Variants in H6PD observed in about 807,000 individuals in gnomAD.
The protein encoded by H6PD is hexose-6-phosphate dehydrogenase/glucose 1-dehydrogenase, also known as GDH/6PGL endoplasmic bifunctional protein.
Under a neutral mutation model 61.2 loss-of-function variants are expected in H6PD, and 48 were observed. The observed-to-expected ratio is 0.78, with a 90% CI of 0.62 to 1.00. H6PD has a LOEUF of 1.00. Among genes scored for constraint, H6PD ranks in the 50% least tolerant of loss-of-function variants. The pLI is 0.00. For synonymous variants in H6PD, 480 were observed against 457.9 expected (o/e 1.05, Z -0.62); for missense variants, 1,093 against 1,065.0 (o/e 1.03, Z -0.37).
At position 9,252,127 on chromosome 1, in the gene H6PD, A is replaced by G. The variant is rs114110944; in HGVS notation, c.745+5044A>G. On this transcript the variant is annotated intron_variant, in intron 3 of 4. Coordinates refer to ENST00000377403, the MANE Select transcript of H6PD (RefSeq NM_004285.4). ...CAAGTTTGCAAGGAGAGGCAGCGGC[A>G]GTGTTCTTGCAGTGTGTCTGAGTTC... Among the ~76,000 whole-genome samples, 1,048 of 152,280 alleles carry G rather than the reference A, an allele frequency of 6.9e-3. 20 individuals are homozygous for G. The highest frequency in any genetic ancestry group is 0.025 in the African/African-American group (1,025 of 41,550).
chr1:9,257,000 A>G (rs942236408), intron 3 of H6PD, among the ~76,000 whole-genome samples: 1 of 152,120 alleles, frequency 6.6e-6, no homozygotes, highest in African/African-American at 2.4e-5. Context: ...GAATCGCCTC[A>G]GCTCTGTCTT....
At chr1:9,250,962 G>A (rs549946343) in intron 3 of H6PD, among the ~76,000 whole-genome samples, 13 of 152,290 alleles carry the variant, frequency 8.5e-5, no homozygotes, top group Middle Eastern at 6.8e-3. Context: ...TGCACAGGCC[G>A]GAGGGGGTGG....
chr1:9,248,716 C>G (rs1297598737), intron 3 of H6PD, among the ~76,000 whole-genome samples: 1 of 152,118 alleles, frequency 6.6e-6, no homozygotes, highest in African/African-American at 2.4e-5. Flanking sequence ...GGAGGCCAGG[C>G]AGGACTTCCC....
intron 3 of H6PD, among the ~76,000 whole-genome samples, chr1:9,251,263 C>T (rs923878556): frequency 3.3e-5 from 5 of 152,072 alleles, no homozygotes; most frequent in East Asian, 1.9e-4. Flanking sequence ...CCTTTTCTGT[C>T]GGGAGTGCTG....
intron 1 of H6PD, among the ~76,000 whole-genome samples, chr1:9,237,513 G>A (rs376130214): frequency 1.3e-5 from 2 of 152,070 alleles, no homozygotes; most frequent in African/African-American, 2.4e-5. Context: ...GATTATAGGC[G>A]TAAGCCACTG....
In H6PD at chr1:9,266,348, A is replaced by G. The variant is rs1638561404; in HGVS notation, c.*1479A>G. ...ACTCTCTGCCTGAGACTGGGGAAGT[A>G]AGCGGGTATCTTCTCAGTGAGCATA... On this transcript the variant is annotated 3_prime_UTR_variant, in exon 5 of 5. Coordinates refer to ENST00000377403, the MANE Select transcript of H6PD (RefSeq NM_004285.4). 6.6e-6 allele frequency: 1 copy of G among 152,294 alleles called. No homozygotes were observed. The highest frequency in any genetic ancestry group is 1.5e-5 in the Non-Finnish European group (1 of 68,072). 9.4% of individuals were successfully genotyped at this position (152,294 alleles called of 1,614,324 possible). A position where few individuals can be genotyped will look rare whatever the true frequency, so the allele number is the denominator to read the frequency against.
In H6PD at chr1:9,264,559, T is replaced by C. The variant is rs761784820; in HGVS notation, c.2066T>C (p.Val689Ala). 20 of 1,613,292 alleles carry C rather than the reference T, an allele frequency of 1.2e-5. No homozygotes were observed. Among genetic ancestry groups the C allele is most frequent in the Non-Finnish European group, 1.7e-5 (20 of 1,179,910 alleles). The change falls in exon 5 of 5, where the codon GTG (valine) becomes GCG (alanine). Residue 689 changes from valine to alanine, a missense_variant. Transcript: ENST00000377403. ...GTGGCCAACAGCAGCTTCGACCTGGTGCTGCTGGGCATGGGTGCCGACGGG... is the reference window on the plus strand; with the variant it reads ...GTGGCCAACAGCAGCTTCGACCTGGCGCTGCTGGGCATGGGTGCCGACGGG... Reference protein sequence around the residue: ...ALVANSSFDLVLLGMGADGHT... With the variant: ...ALVANSSFDLALLGMGADGHT...
intron 3 of H6PD, among the ~76,000 whole-genome samples, chr1:9,252,235 C>T (rs1421588212): frequency 2.6e-5 from 4 of 152,154 alleles, no homozygotes; most frequent in South Asian, 2.1e-4. Context: ...TCATATTTCT[C>T]TCTCACATAT....
intron 1 of H6PD, among the ~76,000 whole-genome samples, chr1:9,240,529 G>C (rs1221583505): frequency 6.6e-6 from 1 of 152,184 alleles, no homozygotes; most frequent in African/African-American, 2.4e-5. Context: ...CTGAGGCCCA[G>C]CCAGGCTAAA....
intron 1 of H6PD, among the ~76,000 whole-genome samples, chr1:9,241,661 G>C (rs1230866869): frequency 6.6e-6 from 1 of 152,224 alleles, no homozygotes; most frequent in Non-Finnish European, 1.5e-5. Context: ...TGGCCTCCCA[G>C]AGTGCCGGGA....
intron 1 of H6PD, chr1:9,239,897 G>C (rs543161528): frequency 1.3e-6 from 1 of 787,670 alleles, no homozygotes; most frequent in Non-Finnish European, 1.7e-6. Flanking sequence ...CTGCTGTGCC[G>C]GGTCTGTATG....
intron 1 of H6PD, among the ~76,000 whole-genome samples, chr1:9,241,743 T>C (rs1641004388): frequency 6.6e-6 from 1 of 152,156 alleles, no homozygotes; most frequent in African/African-American, 2.4e-5. Context: ...GCAGTGGTCT[T>C]GAGCCCAGGT....
Position 9,246,997 on chromosome 1 carries a change from A to G in H6PD, c.659A>G (p.Gln220Arg). The G allele has an allele frequency of 1.2e-6, 2 of 1,613,914 alleles. No individual in the cohort carries two copies. The highest frequency in any genetic ancestry group is 2.2e-5 in the East Asian group (1 of 44,862). ...GCGCAGATCCTGCCTTTCCGAGACC[A>G]GAACCGCAAGGCTTTGGACGGCCTC... ...AVAQILPFRD[Q>R]NRKALDGLWN... The change falls in exon 3 of 5, where the codon CAG (glutamine) becomes CGG (arginine). Residue 220 changes from glutamine to arginine, a missense_variant. Physicochemically the swap from Gln to Arg is conservative, Grantham distance 43. Coordinates refer to ENST00000377403, the MANE Select transcript of H6PD (RefSeq NM_004285.4).
chr1:9,270,822 C>T lies in H6PD; in HGVS notation c.*5953C>T, dbSNP rs953239601. 4 of 152,250 alleles carry T rather than the reference C, an allele frequency of 2.6e-5. No homozygotes were observed. The highest frequency in any genetic ancestry group is 6.5e-5 in the Admixed American group (1 of 15,280). 9.4% of individuals were successfully genotyped at this position (152,250 alleles called of 1,614,324 possible). A position where few individuals can be genotyped will look rare whatever the true frequency, so the allele number is the denominator to read the frequency against. Reference sequence around the variant, plus strand: ...TGGAGAGGTGTGGGCATGAGAGCCACCCATTGCCAAGCAGCAAGAATGTTC... The same window carrying T: ...TGGAGAGGTGTGGGCATGAGAGCCATCCATTGCCAAGCAGCAAGAATGTTC... On this transcript the variant is annotated 3_prime_UTR_variant, in exon 5 of 5. Transcript: ENST00000377403.
At position 9,264,316 on chromosome 1, in the gene H6PD, G is replaced by A; in HGVS notation, c.1823G>A (p.Gly608Asp). ...CAGCAGCTGGCCACGGCGCACTATG[G>A]CTTCCCCTGGGCCCACACGCACCTG... ...LFQQLATAHY[G>D]FPWAHTHLWL... The change falls in exon 5 of 5, where the codon GGC (glycine) becomes GAC (aspartate). Residue 608 changes from glycine to aspartate, a missense_variant. Coordinates refer to ENST00000377403, the MANE Select transcript of H6PD (RefSeq NM_004285.4). The A allele has an allele frequency of 6.2e-7, 1 of 1,611,668 alleles. No individual in the cohort carries two copies. The highest frequency in any genetic ancestry group is 1.7e-5 in the Admixed American group (1 of 59,996).
chr1:9,267,598 G>A lies in H6PD; in HGVS notation c.*2729G>A, dbSNP rs142336656. ...CGGATGCACCACCGATCTGTGCAGA[G>A]TGGGTGTGGGAGTGTGGGTGAGGGT... On this transcript the variant is annotated 3_prime_UTR_variant, in exon 5 of 5. Coordinates refer to ENST00000377403, the MANE Select transcript of H6PD (RefSeq NM_004285.4). 6.6e-6 allele frequency: 1 copy of A among 152,456 alleles called. No homozygotes were observed. Among genetic ancestry groups the A allele is most frequent in the African/African-American group, 2.4e-5 (1 of 41,580 alleles). 9.4% of individuals were successfully genotyped at this position (152,456 alleles called of 1,614,324 possible).
chr1:9,247,400 T>G (rs558029476), intron 3 of H6PD, among the ~76,000 whole-genome samples: 1 of 152,216 alleles, frequency 6.6e-6, no homozygotes, highest in African/African-American at 2.4e-5. Context: ...CCATGGGAAC[T>G]GCGTGAGGGC....
intron 1 of H6PD, among the ~76,000 whole-genome samples, chr1:9,237,319 G>A (rs113433173): frequency 1.4e-3 from 189 of 131,514 alleles, no homozygotes; most frequent in African/African-American, 5.2e-3. Flanking sequence ...TGCAACGTTC[G>A]CCTCCTAGGT....
At chr1:9,262,450 C>T (rs145700870) in intron 4 of H6PD, 122 bp downstream of exon 4, 226 of 948,544 alleles carry the variant, frequency 2.4e-4, no homozygotes, top group African/African-American at 1.2e-3. Context: ...CCAGGGTGCT[C>T]GGAGGCAAGG....
Sources: allele counts gnomAD v4.1 joint callset (sites outside exome capture counted in the v4.1 genomes callset), GRCh38; gene constraint gnomAD v4.1.1; transcripts MANE v1.5; gene names NCBI Gene and HGNC (gene_info 2026-07-23, HGNC 2026-07-21).